The following PTPRU variants were observed in gnomAD, a reference collection of about 807,000 sequenced individuals.
PTPRU encodes receptor-type tyrosine-protein phosphatase U.
In PTPRU, 69 loss-of-function variants were observed where a neutral mutation model predicts 166.3. That is an observed-to-expected ratio of 0.41 (90% confidence interval 0.34 to 0.51). The LOEUF (loss-of-function observed/expected upper bound fraction) is 0.51, where lower values mean the gene tolerates loss of function less well. Among genes scored for constraint, PTPRU ranks in the 20% least tolerant of loss-of-function variants. The pLI, the probability that PTPRU is intolerant of heterozygous loss-of-function variation, is 0.09. For synonymous variants in PTPRU, 793 were observed against 814.0 expected, an observed-to-expected ratio of 0.97 and a Z score of 0.44; for missense variants, 1,657 against 2,013.7, an observed-to-expected ratio of 0.82 and a Z score of 3.39.
In PTPRU at chr1:29,325,760, C is replaced by T. The variant is rs916739192; in HGVS notation, c.*99C>T. ...GTGCCTCCTGCTCTGCCCAAACACA[C>T]TCCCATGGGGCAAGCACTGGAGTGG... On this transcript the variant is annotated 3_prime_UTR_variant, in exon 30 of 30. Coordinates refer to ENST00000373779, the MANE Select transcript of PTPRU (RefSeq NM_133178.4). The T allele has an allele frequency of 3.9e-6, 5 of 1,292,584 alleles. No individual in the cohort carries two copies. In the Admixed American group the frequency reaches 9.2e-5, roughly 24 times the overall value. 80.1% of individuals were successfully genotyped at this position (1,292,584 alleles called of 1,614,324 possible).
In PTPRU at chr1:29,260,483, G is replaced by A. The variant is rs1259035874; in HGVS notation, c.851-127G>A. The stretch of plus-strand genomic sequence containing the variant: ...GGGTAGGAGAGCGGGTCTGGTTGAG[G>A]GCTTGGTAGCAGCGTGAGAGGCCCT... On this transcript the variant is annotated intron_variant, in intron 6 of 29. Transcript: ENST00000373779. This position sits in a 1 kb window ranked among gnomAD's most constrained non-coding sequence, Gnocchi z 8.3. 1 of 737,570 alleles carries A rather than the reference G, an allele frequency of 1.4e-6. No homozygotes were observed. The highest frequency in any genetic ancestry group is 1.9e-5 in the African/African-American group (1 of 53,830). The allele number at this position is 737,570 out of a possible 1,614,324, so 45.7% of individuals were successfully genotyped here.
chr1:29,293,763 T>C (rs9426312), intron 15 of PTPRU, among the ~76,000 whole-genome samples: 47,899 of 152,126 alleles, frequency 0.31, 9,591 homozygotes, highest in East Asian at 0.64. Flanking sequence ...CGTGAGCCAC[T>C]GCGCCCGGAC....
At chr1:29,255,978 C>T (rs1433821698) in intron 2 of PTPRU, among the ~76,000 whole-genome samples, 1 of 152,166 alleles carries the variant, frequency 6.6e-6, no homozygotes, top group East Asian at 1.9e-4. Context: ...GATTCTAGTA[C>T]TGACTTCCTG....
At chr1:29,264,109 G>A (rs1453717821) in intron 7 of PTPRU, among the ~76,000 whole-genome samples, 1 of 151,852 alleles carries the variant, frequency 6.6e-6, no homozygotes, top group African/African-American at 2.4e-5. Context: ...GGGAGGTGGA[G>A]GTTGCAGTGA....
At chr1:29,290,825 C>T (rs1686595469) in intron 14 of PTPRU, among the ~76,000 whole-genome samples, 1 of 152,240 alleles carries the variant, frequency 6.6e-6, no homozygotes, top group South Asian at 2.1e-4. Context: ...AGCTGGATGC[C>T]AACAGCATTA....
chr1:29,311,885 G>A lies in PTPRU; in HGVS notation c.3072+126G>A, dbSNP rs576328348. 129 of 963,442 alleles carry A rather than the reference G, an allele frequency of 1.3e-4. 2 individuals carry two copies. The African/African-American group carries it at 1.7e-3, about 13-fold the overall frequency. 59.7% of individuals were successfully genotyped at this position (963,442 alleles called of 1,614,324 possible). A position where few individuals can be genotyped will look rare whatever the true frequency, so the allele number is the denominator to read the frequency against. On this transcript the variant is annotated intron_variant, in intron 21 of 29. Coordinates refer to ENST00000373779, the MANE Select transcript of PTPRU (RefSeq NM_133178.4). This position sits in a 1 kb window ranked among gnomAD's most constrained non-coding sequence, Gnocchi z 4.1. ...CACCACTGCCCATCCCAGCAAGGAA[G>A]CTACTTGGTCACTGTTGGCTGGGAG...
chr1:29,244,827 T>C (rs1483805064), intron 1 of PTPRU, among the ~76,000 whole-genome samples: 5 of 152,242 alleles, frequency 3.3e-5, no homozygotes. Flanking sequence ...GTCCTGCACA[T>C]AGTAAGCACT....
rs538878417 is a variant in PTPRU, at chr1:29,236,978, G to A, written c.73+261G>A. On this transcript the variant is annotated intron_variant, in intron 1 of 29. Coordinates refer to ENST00000373779, the MANE Select transcript of PTPRU (RefSeq NM_133178.4). The surrounding 1 kb of genome is among the most constrained non-coding windows in gnomAD (Gnocchi z 4.6). The stretch of plus-strand genomic sequence containing the variant: ...AATGTTGTGTGCATCGAGGCATTGG[G>A]TGTGCGCTGAGTGTCTTGTGGGTCT... Among the ~76,000 whole-genome samples the A allele has an allele frequency of 3.1e-4, 47 of 152,286 alleles. 1 individual carries two copies. The South Asian group carries it at 9.1e-3, about 30-fold the overall frequency.
At chr1:29,278,009 G>A (rs1333223446) in intron 8 of PTPRU, among the ~76,000 whole-genome samples, 1 of 150,980 alleles carries the variant, frequency 6.6e-6, no homozygotes, top group Non-Finnish European at 1.5e-5. Context: ...GGTAGAGATG[G>A]GGGTTTCACC....
intron 8 of PTPRU, among the ~76,000 whole-genome samples, chr1:29,277,353 G>A (rs1356086079): frequency 6.6e-6 from 1 of 152,054 alleles, no homozygotes; most frequent in African/African-American, 2.4e-5. Flanking sequence ...TGCCCACCTT[G>A]GCCCTGCAAA....
intron 25 of PTPRU, among the ~76,000 whole-genome samples, chr1:29,318,358 G>A (rs1687995719): frequency 1.3e-5 from 2 of 152,194 alleles, no homozygotes; most frequent in Admixed American, 6.5e-5. Context: ...TCCCTGGGTG[G>A]GCATGGGCCC....
intron 28 of PTPRU, among the ~76,000 whole-genome samples, chr1:29,324,775 G>C (rs1421833062): frequency 6.6e-6 from 1 of 152,138 alleles, no homozygotes; most frequent in Non-Finnish European, 1.5e-5. Context: ...CTCCCTCTGG[G>C]TTCCCTAGCC....
chr1:29,259,862 C>G lies in PTPRU; in HGVS notation c.676-8C>G, dbSNP rs1684963055. ...GCGCCCCTGACCCCCTCACTCTCTT[C>G]CCTGCAGCGGCAGAGCGGGGCGCTG... On this transcript the variant is annotated splice_polypyrimidine_tract_variant and splice_region_variant and intron_variant, in intron 5 of 29. Coordinates refer to ENST00000373779, the MANE Select transcript of PTPRU (RefSeq NM_133178.4). 1.3e-6 allele frequency: 2 copies of G among 1,528,160 alleles called. No individual in the cohort carries two copies. The highest frequency in any genetic ancestry group is 1.4e-5 in the African/African-American group (1 of 72,942). The allele number at this position is 1,528,160 out of a possible 1,614,324, so 94.7% of individuals were successfully genotyped here.
Position 29,317,214 on chromosome 1 carries a change from G to A in PTPRU, c.3514-534G>A, listed in dbSNP as rs1186554862. Among the ~76,000 whole-genome samples, 1 of 152,164 alleles carries A rather than the reference G, an allele frequency of 6.6e-6. No individual in the cohort carries two copies. The highest frequency in any genetic ancestry group is 6.5e-5 in the Admixed American group (1 of 15,276). Reference sequence around the variant, plus strand: ...CGGAGGAGATGCCCCGGAGATCCAGGTGTGATTCAGTGCCCGGTGCTTAGG... The same window carrying A: ...CGGAGGAGATGCCCCGGAGATCCAGATGTGATTCAGTGCCCGGTGCTTAGG... On this transcript the variant is annotated intron_variant, in intron 24 of 29. Transcript: ENST00000373779. The surrounding 1 kb of genome is among the most constrained non-coding windows in gnomAD (Gnocchi z 5.6).
chr1:29,279,558 A>G lies in PTPRU; in HGVS notation c.1666A>G (p.Asn556Asp). The G allele has an allele frequency of 1.2e-6, 2 of 1,614,158 alleles. No homozygotes were observed. The highest frequency in any genetic ancestry group is 8.5e-7 in the Non-Finnish European group (1 of 1,180,010). ...LRNETYHVFS[N>D]LHPGTTYLFS... Reference sequence around the variant, plus strand: ...CAATGAGACCTACCATGTCTTCTCCAACCTGCACCCAGGCACCACCTACCT... The same window carrying G: ...CAATGAGACCTACCATGTCTTCTCCGACCTGCACCCAGGCACCACCTACCT... The change falls in exon 10 of 30, where the codon AAC (asparagine) becomes GAC (aspartate). Residue 556 changes from asparagine to aspartate, a missense_variant. By Grantham distance (23) the Asn-to-Asp change is conservative. Transcript: ENST00000373779. This position sits in a 1 kb window ranked among gnomAD's most constrained non-coding sequence, Gnocchi z 5.2.
At chr1:29,319,887 G>T (rs1418258947) in intron 25 of PTPRU, among the ~76,000 whole-genome samples, 2 of 152,108 alleles carry the variant, frequency 1.3e-5, no homozygotes, top group Non-Finnish European at 2.9e-5. Context: ...ACCAGGGGAG[G>T]CTGGGAGCTA....
intron 1 of PTPRU, among the ~76,000 whole-genome samples, chr1:29,240,925 G>A (rs1684024257): frequency 6.6e-6 from 1 of 152,140 alleles, no homozygotes; most frequent in Non-Finnish European, 1.5e-5. Context: ...CTTGTGCACC[G>A]GAGGGAAGGG....
chr1:29,264,509 T>C (rs1270712040), intron 7 of PTPRU, among the ~76,000 whole-genome samples: 1 of 131,216 alleles, frequency 7.6e-6, no homozygotes, highest in Non-Finnish European at 1.5e-5. Context: ...AACCTCATTC[T>C]TTTTTTTTTT....
chr1:29,323,708 G>A lies in PTPRU; in HGVS notation c.4032G>A (p.Lys1344=). 14 of 1,614,174 alleles carry A rather than the reference G, an allele frequency of 8.7e-6. No individual in the cohort carries two copies. The highest frequency in any genetic ancestry group is 7.6e-6 in the Non-Finnish European group (9 of 1,180,006). ...CATACCGGGACACACCTGACTCCAA[G>A]AAGGCCTTCTTGCACCTGCTGGCTG... ...WSAYRDTPDS[K]KAFLHLLAEV... Residue 1344 remains lysine, a synonymous_variant, in exon 28 of 30, where the codon AAG becomes AAA. Transcript: ENST00000373779.
Sources: allele counts gnomAD v4.1 joint callset (sites outside exome capture counted in the v4.1 genomes callset), GRCh38; gene constraint gnomAD v4.1.1; non-coding constraint Gnocchi (gnomAD v3.1); transcripts MANE v1.5; gene names NCBI Gene and HGNC (gene_info 2026-07-23, HGNC 2026-07-21).